VAT1L: variants seen among roughly 807,000 people sequenced by gnomAD.
VAT1L encodes vesicle amine transport 1 like.
Under a neutral mutation model 44.1 loss-of-function variants are expected in VAT1L, and 34 were observed. The observed-to-expected ratio is 0.77, with a 90% CI of 0.59 to 1.03. The LOEUF (loss-of-function observed/expected upper bound fraction) is 1.03. VAT1L is among the 50% of genes least tolerant of loss of function. VAT1L has a pLI of 0.00. For missense variants in VAT1L, 615 were observed against 538.8 expected (o/e 1.14, Z -1.40); for synonymous variants, 253 against 202.2 (o/e 1.25, Z -2.13).
At chr16:77,886,088 G>A (rs1322708325) in intron 7 of VAT1L, among the ~76,000 whole-genome samples, 1 of 152,212 alleles carries the variant, frequency 6.6e-6, no homozygotes, top group East Asian at 1.9e-4. Context: ...GGATAACATT[G>A]TTAACATTTC....
chr16:77,819,399 T>G (rs2016411043), intron 2 of VAT1L, among the ~76,000 whole-genome samples: 1 of 152,100 alleles, frequency 6.6e-6, no homozygotes, highest in Admixed American at 6.5e-5. Context: ...CTTTTTCTTT[T>G]TAGATGGAGT....
At chr16:77,936,678 T>C (rs1302862013) in intron 7 of VAT1L, among the ~76,000 whole-genome samples, 8 of 152,280 alleles carry the variant, frequency 5.3e-5, no homozygotes, top group African/African-American at 7.2e-5. Flanking sequence ...GAATCCCAGG[T>C]TCCACACAGG....
intron 4 of VAT1L, among the ~76,000 whole-genome samples, chr16:77,865,164 G>A (rs986884006): frequency 6.6e-6 from 1 of 151,636 alleles, no homozygotes; most frequent in Admixed American, 6.6e-5. Context: ...TAGTAGAGAC[G>A]GGGTTTCACC....
At chr16:77,962,789 A>T (rs1490682417) in intron 7 of VAT1L, among the ~76,000 whole-genome samples, 2 of 151,948 alleles carry the variant, frequency 1.3e-5, no homozygotes, top group Non-Finnish European at 2.9e-5. Context: ...AGAAAGAGAA[A>T]AGAAAAAATA....
intron 1 of VAT1L, among the ~76,000 whole-genome samples, chr16:77,808,284 G>A (rs1299564954): frequency 2.0e-5 from 3 of 152,084 alleles, no homozygotes; most frequent in African/African-American, 7.2e-5. Context: ...AATGCCTGAT[G>A]ATCTGTCACT....
chr16:77,855,890 C>G (rs919634652), intron 3 of VAT1L, among the ~76,000 whole-genome samples: 2 of 152,094 alleles, frequency 1.3e-5, no homozygotes, highest in African/African-American at 4.8e-5. Context: ...TGGTGGCGGG[C>G]ACCTGTAGTC....
intron 7 of VAT1L, among the ~76,000 whole-genome samples, chr16:77,946,990 G>A (rs1377690326): frequency 6.6e-6 from 1 of 152,158 alleles, no homozygotes; most frequent in Non-Finnish European, 1.5e-5. Context: ...TGTTGAGCCT[G>A]TTTTTATCTC....
chr16:77,839,047 G>C (rs930663204), intron 3 of VAT1L, among the ~76,000 whole-genome samples: 1 of 152,080 alleles, frequency 6.6e-6, no homozygotes, highest in African/African-American at 2.4e-5. Flanking sequence ...AGGCGCATTA[G>C]TCATCGATGG....
intron 7 of VAT1L, among the ~76,000 whole-genome samples, chr16:77,943,614 G>T (rs1241408635): frequency 3.3e-5 from 5 of 151,882 alleles, no homozygotes; most frequent in South Asian, 2.1e-4. Flanking sequence ...ATGTTAGCCA[G>T]GATGGTCTCG....
Position 77,940,340 on chromosome 16 carries a change from GTTTTTTT to G in VAT1L, c.1078-31496_1078-31490del, listed in dbSNP as rs66546770. ...CAAGCCAGGTCTAACATACCACTTG[GTTTTTTT>G]TTTTTTTTTTTTTGGAGACAGACTC... On this transcript the variant is annotated intron_variant, in intron 7 of 8. Transcript: ENST00000302536. Among the ~76,000 whole-genome samples the G allele has an allele frequency of 8.0e-5, 9 of 112,520 alleles. No individual in the cohort carries two copies. The East Asian group carries it at 2.5e-3, about 31-fold the overall frequency. The allele number at this position is 112,520 out of a possible 152,430, so 73.8% of individuals were successfully genotyped here.
At chr16:77,859,787 C>T (rs78977855) in intron 3 of VAT1L, among the ~76,000 whole-genome samples, 4,409 of 152,256 alleles carry the variant, frequency 0.029, 100 homozygotes, top group East Asian at 0.098. Flanking sequence ...TGCCCAGATT[C>T]CTGGCTTTAA....
intron 8 of VAT1L, among the ~76,000 whole-genome samples, chr16:77,972,706 G>A (rs2018293435): frequency 6.6e-6 from 1 of 151,972 alleles, no homozygotes; most frequent in Non-Finnish European, 1.5e-5. Flanking sequence ...GCTTGAACCT[G>A]GGAGGCAGAG....
chr16:77,884,870 A>T lies in VAT1L; in HGVS notation c.1077+68A>T. On this transcript the variant is annotated intron_variant, in intron 7 of 8. Transcript: ENST00000302536. The surrounding 1 kb of genome is among the most constrained non-coding windows in gnomAD (Gnocchi z 4.5). ...AACTCAGGAAGGTTTGGGCAGCCAA[A>T]TACAATCTTCTACTAAATGATTTTT... is the stretch of plus-strand genomic sequence containing the variant. The T allele has an allele frequency of 7.1e-7, 1 of 1,403,148 alleles. No individual in the cohort carries two copies. Among genetic ancestry groups the T allele is most frequent in the Non-Finnish European group, 9.3e-7 (1 of 1,071,808 alleles). The allele number at this position is 1,403,148 out of a possible 1,614,324, so 86.9% of individuals were successfully genotyped here. A position where few individuals can be genotyped will look rare whatever the true frequency, so the allele number is the denominator to read the frequency against.
At chr16:77,809,301 A>G (rs1263105848) in intron 1 of VAT1L, among the ~76,000 whole-genome samples, 1 of 152,194 alleles carries the variant, frequency 6.6e-6, no homozygotes, top group Non-Finnish European at 1.5e-5. Context: ...AAAGTTACCT[A>G]TTACAATTGC....
chr16:77,941,963 G>T (rs1258736962), intron 7 of VAT1L, among the ~76,000 whole-genome samples: 1 of 152,054 alleles, frequency 6.6e-6, no homozygotes, highest in Non-Finnish European at 1.5e-5. Context: ...CTTTTTCTCT[G>T]CAACCTTGCC....
intron 7 of VAT1L, among the ~76,000 whole-genome samples, chr16:77,942,008 T>C (rs2017890930): frequency 6.6e-6 from 1 of 152,208 alleles, no homozygotes; most frequent in South Asian, 2.1e-4. Context: ...ATAATAGCCA[T>C]TCTGACTGGT....
chr16:77,791,046 T>C (rs1460411944), intron 1 of VAT1L, among the ~76,000 whole-genome samples: 2 of 152,150 alleles, frequency 1.3e-5, no homozygotes, highest in South Asian at 2.1e-4. Context: ...ACAGCCCAGA[T>C]TGATTTTCCT....
intron 1 of VAT1L, among the ~76,000 whole-genome samples, chr16:77,795,884 G>A (rs2015924336): frequency 7.2e-6 from 1 of 139,762 alleles, no homozygotes; most frequent in Non-Finnish European, 1.5e-5. Context: ...GGAGTGCAGT[G>A]GCGCAATTTC....
chr16:77,944,642 C>A (rs2017936642), intron 7 of VAT1L, among the ~76,000 whole-genome samples: 1 of 152,196 alleles, frequency 6.6e-6, no homozygotes, highest in Non-Finnish European at 1.5e-5. Flanking sequence ...CCAGTTACTG[C>A]TGGTATATTG....
Sources: allele counts gnomAD v4.1 joint callset (sites outside exome capture counted in the v4.1 genomes callset), GRCh38; gene constraint gnomAD v4.1.1; non-coding constraint Gnocchi (gnomAD v3.1); transcripts MANE v1.5; gene names NCBI Gene and HGNC (gene_info 2026-07-23, HGNC 2026-07-21).